Variants in CNKSR3 observed in about 807,000 individuals in gnomAD.
CNKSR3 encodes CNKSR family member 3, also known as connector enhancer of kinase suppressor of ras 3.
Under a neutral mutation model 67.7 loss-of-function variants are expected in CNKSR3, and 36 were observed. The observed-to-expected ratio is 0.53, with a 90% CI of 0.41 to 0.70. CNKSR3 has a LOEUF of 0.70. Among genes scored for constraint, CNKSR3 ranks in the 30% least tolerant of loss-of-function variants. The probability of loss-of-function intolerance (pLI) is 0.00; values close to 1 mark genes in which losing one functional copy is unlikely to be tolerated. For synonymous variants in CNKSR3, 281 were observed against 271.4 expected, an observed-to-expected ratio of 1.04 and a Z score of -0.35; for missense variants, 630 against 695.2, an observed-to-expected ratio of 0.91 and a Z score of 1.05.
intron 1 of CNKSR3, among the ~76,000 whole-genome samples, chr6:154,458,324 ATACAGT>A (rs1299647691): frequency 6.6e-6 from 1 of 152,190 alleles, no homozygotes; most frequent in African/African-American, 2.4e-5. Context: ...GAATCATTTC[ATACAGT>A]TACACTGAAT....
Position 154,407,432 on chromosome 6 carries a change from C to T in CNKSR3, c.1370-780G>A, listed in dbSNP as rs748142386. On this transcript the variant is annotated intron_variant, in intron 12 of 12. Transcript: ENST00000607772. ...GGTAACATGTAGCATCCTTGTGAAG[C>T]GGAAATTCTACACCCCAAAATGTGC... Among the ~76,000 whole-genome samples the T allele has an allele frequency of 9.2e-5, 14 of 152,054 alleles. No individual in the cohort carries two copies. In the South Asian group the frequency reaches 1.0e-3, roughly 11 times the overall value.
At position 154,437,367 on chromosome 6, in the gene CNKSR3, G is replaced by A. The variant is rs956587732; in HGVS notation, c.508-3860C>T. On this transcript the variant is annotated intron_variant, in intron 4 of 12. Transcript: ENST00000607772. ...ATTTCTAATTTGTATGTATCTGAGC[G>A]CACAGATGCACAAATATCACCATTT... 4.7e-5 allele frequency among the ~76,000 whole-genome samples: 7 copies of A among 149,508 alleles called. No homozygotes were observed. In the East Asian group the frequency reaches 5.9e-4, roughly 13 times the overall value.
chr6:154,510,523 C>T lies in CNKSR3; in HGVS notation c.-409G>A. On this transcript the variant is annotated 5_prime_UTR_variant, in exon 1 of 13. Transcript: ENST00000607772. Reference sequence around the variant, plus strand: ...CTCCCTCGGCCGGTCTTCTCGCCTGCTGGCTCTCCGGGGTCCCCGCTCCGC... The same window carrying T: ...CTCCCTCGGCCGGTCTTCTCGCCTGTTGGCTCTCCGGGGTCCCCGCTCCGC... 1 of 198,498 alleles carries T rather than the reference C, an allele frequency of 5.0e-6. No homozygotes were observed. 12.3% of individuals were successfully genotyped at this position (198,498 alleles called of 1,614,324 possible).
At chr6:154,423,553 C>T (rs1785191834) in intron 7 of CNKSR3, among the ~76,000 whole-genome samples, 1 of 152,144 alleles carries the variant, frequency 6.6e-6, no homozygotes, top group Non-Finnish European at 1.5e-5. Flanking sequence ...CCACCGCGCC[C>T]AGTCTGGACA....
At position 154,406,069 on chromosome 6, in the gene CNKSR3, G is replaced by A. The variant is rs1214968910; in HGVS notation, c.*285C>T. ...CCATAACGTCTCTGGCCAGGACTGC[G>A]ATTTCTAGCGCGTGTCTTCACATTC... On this transcript the variant is annotated 3_prime_UTR_variant, in exon 13 of 13. Coordinates refer to ENST00000607772, the MANE Select transcript of CNKSR3 (RefSeq NM_173515.4). 7 of 383,032 alleles carry A rather than the reference G, an allele frequency of 1.8e-5. No individual in the cohort carries two copies. The highest frequency in any genetic ancestry group is 3.6e-5 in the South Asian group (1 of 27,588). 23.7% of individuals were successfully genotyped at this position (383,032 alleles called of 1,614,324 possible).
intron 5 of CNKSR3, among the ~76,000 whole-genome samples, chr6:154,432,924 GCCTC>G (rs1317023881): frequency 6.6e-6 from 1 of 152,152 alleles, no homozygotes; most frequent in Non-Finnish European, 1.5e-5. Context: ...AATTTGTTTG[GCCTC>G]CCTATTTATG....
Position 154,510,046 on chromosome 6 carries a change from C to G in CNKSR3, c.52+17G>C. On this transcript the variant is annotated intron_variant, in intron 1 of 12. Transcript: ENST00000607772. ...CCCGAGGCTGGAGGACTCCGGACCC[C>G]CCCAAGGCCCGCGCACCTCTAGTCC... 6.2e-7 allele frequency: 1 copy of G among 1,614,028 alleles called. No homozygotes were observed. Among genetic ancestry groups the G allele is most frequent in the South Asian group, 1.1e-5 (1 of 91,080 alleles).
chr6:154,416,106 C>T (rs922287180), intron 9 of CNKSR3, among the ~76,000 whole-genome samples: 1 of 152,098 alleles, frequency 6.6e-6, no homozygotes, highest in Admixed American at 6.6e-5. Flanking sequence ...AATAATGAAG[C>T]CCCGTCTCTA....
intron 1 of CNKSR3, among the ~76,000 whole-genome samples, chr6:154,505,831 G>A (rs146292531): frequency 2.0e-5 from 3 of 152,068 alleles, no homozygotes; most frequent in Non-Finnish European, 4.4e-5. Flanking sequence ...CTACCCACTC[G>A]AGGCTGATCA....
chr6:154,462,886 C>T (rs1786110489), intron 1 of CNKSR3, among the ~76,000 whole-genome samples: 6 of 152,178 alleles, frequency 3.9e-5, no homozygotes, highest in Admixed American at 1.3e-4. Flanking sequence ...CATGCATGGC[C>T]GCATTATTTA....
chr6:154,475,444 C>A (rs1245508248), intron 1 of CNKSR3, among the ~76,000 whole-genome samples: 2 of 152,182 alleles, frequency 1.3e-5, no homozygotes, highest in African/African-American at 4.8e-5. Flanking sequence ...TGGAAATGGT[C>A]ACCTCCTCCA....
intron 4 of CNKSR3, among the ~76,000 whole-genome samples, chr6:154,434,962 T>C (rs1167186048): frequency 6.6e-6 from 1 of 152,070 alleles, no homozygotes; most frequent in East Asian, 1.9e-4. Context: ...ACTAATACTT[T>C]ATCTTTGTGT....
chr6:154,467,364 C>T (rs1031385976), intron 1 of CNKSR3, among the ~76,000 whole-genome samples: 1 of 152,138 alleles, frequency 6.6e-6, no homozygotes, highest in East Asian at 1.9e-4. Flanking sequence ...ATTTATTTAG[C>T]CAGGACATAC....
chr6:154,398,032 G>C lies in CNKSR3; in HGVS notation c.*8322C>G, dbSNP rs1484398529. Reference sequence around the variant, plus strand: ...ATTAGGCTGAATCATATGAACTGCAGATTATGCAGGTAAAATATGGCCACA... The same window carrying C: ...ATTAGGCTGAATCATATGAACTGCACATTATGCAGGTAAAATATGGCCACA... On this transcript the variant is annotated 3_prime_UTR_variant, in exon 13 of 13. Transcript: ENST00000607772. 1 of 152,216 alleles carries C rather than the reference G, an allele frequency of 6.6e-6. No homozygotes were observed. The highest frequency in any genetic ancestry group is 6.5e-5 in the Admixed American group (1 of 15,282). The allele number at this position is 152,216 out of a possible 1,614,324, so 9.4% of individuals were successfully genotyped here. A position where few individuals can be genotyped will look rare whatever the true frequency, so the allele number is the denominator to read the frequency against.
chr6:154,432,219 A>T (rs1785384786), intron 5 of CNKSR3, among the ~76,000 whole-genome samples: 1 of 152,204 alleles, frequency 6.6e-6, no homozygotes, highest in African/African-American at 2.4e-5. Flanking sequence ...ATATGGCGGT[A>T]TCTCATTGTT....
rs937842420 is a variant in CNKSR3 at position 154,388,979 on chromosome 6, C to T, written c.*17375G>A. 1.3e-5 allele frequency: 2 copies of T among 150,182 alleles called. No individual in the cohort carries two copies. Among genetic ancestry groups the T allele is most frequent in the Non-Finnish European group, 2.9e-5 (2 of 67,802 alleles). The allele number at this position is 150,182 out of a possible 1,614,324, so 9.3% of individuals were successfully genotyped here. A position where few individuals can be genotyped will look rare whatever the true frequency, so the allele number is the denominator to read the frequency against. On this transcript the variant is annotated 3_prime_UTR_variant, in exon 13 of 13. Coordinates refer to ENST00000607772, the MANE Select transcript of CNKSR3 (RefSeq NM_173515.4). ...TTGCTATTGAGTTATGAATTCCTTACATATTTTAGATGTCAACCCTTATCA... is the reference window on the plus strand; with the variant it reads ...TTGCTATTGAGTTATGAATTCCTTATATATTTTAGATGTCAACCCTTATCA...
chr6:154,454,688 A>C (rs1017368258), intron 1 of CNKSR3, among the ~76,000 whole-genome samples: 1 of 151,500 alleles, frequency 6.6e-6, no homozygotes, highest in Non-Finnish European at 1.5e-5. Flanking sequence ...CACCCAACTA[A>C]TTTTTCATTT....
chr6:154,441,242 C>CAAAAAAAAAAAAAAAAA (rs34887626), intron 4 of CNKSR3, 50 bp downstream of exon 4: 6 of 847,458 alleles, frequency 7.1e-6, no homozygotes, highest in East Asian at 2.6e-5. Context: ...AGAGGAAAAG[C>CAAAAAAAAAAAAAAAAA]AAAAAAAAAA....
chr6:154,443,053 A>C (rs569041920), intron 2 of CNKSR3, among the ~76,000 whole-genome samples: 1 of 152,020 alleles, frequency 6.6e-6, no homozygotes, highest in Admixed American at 6.6e-5. Context: ...GCGCACCACC[A>C]TGCCGGGCTA....
Sources: gnomAD v4.1 joint callset for allele counts (sites outside exome capture counted in the v4.1 genomes callset) on GRCh38, gnomAD v4.1.1 for gene constraint, MANE v1.5 for transcripts, NCBI Gene and HGNC (gene_info 2026-07-23, HGNC 2026-07-21) for gene names.